PADI6: variants seen among roughly 807,000 people sequenced by gnomAD.
PADI6 encodes peptidyl arginine deiminase 6, also known as inactive protein-arginine deiminase type-6.
Under a neutral mutation model 78.2 loss-of-function variants are expected in PADI6, and 66 were observed. That is an observed-to-expected ratio of 0.84 (90% CI 0.69 to 1.04). The LOEUF (loss-of-function observed/expected upper bound fraction) is 1.04, where lower values mean the gene tolerates loss of function less well. Among genes scored for constraint, PADI6 ranks in the 50% least tolerant of loss-of-function variants. PADI6 has a pLI of 0.00. For synonymous variants in PADI6, 397 were observed against 346.9 expected (o/e 1.14, Z -1.60); for missense variants, 854 against 866.1 (o/e 0.99, Z 0.18).
Position 17,375,385 on chromosome 1 carries a change from C to T in PADI6, c.295-42C>T, listed in dbSNP as rs184356804. 1.1e-4 allele frequency: 166 copies of T among 1,562,992 alleles called. No homozygotes were observed. The African/African-American group carries it at 2.1e-3, about 19-fold the overall frequency. On this transcript the variant is annotated intron_variant, in intron 2 of 15. Transcript: ENST00000619609. The stretch of plus-strand genomic sequence containing the variant: ...CCTGGGGCTCTGTTCCTGGCACCTC[C>T]CGTCCAACACTGCCTATGGTTTCGG...
At position 17,394,453 on chromosome 1, in the gene PADI6, A is replaced by G. The variant is rs1474418124; in HGVS notation, c.1336A>G (p.Ser446Gly). Residue 446 changes from serine (S) to glycine (G), a missense_variant and splice_region_variant, in exon 11 of 16, where the codon AGC becomes GGC. Transcript: ENST00000619609. ...CCTCATTGGCAGCAGCTTTTACCCC[A>G]GGTGAGCCACAAAGCCAGACGCCTC... ...RVLIGSSFYP[S>G]AEGRAMSKTL... 6.2e-7 allele frequency: 1 copy of G among 1,612,420 alleles called. No homozygotes were observed. The highest frequency in any genetic ancestry group is 2.2e-5 in the East Asian group (1 of 44,850).
chr1:17,385,429 G>A (rs2075110431), intron 6 of PADI6, among the ~76,000 whole-genome samples: 1 of 152,176 alleles, frequency 6.6e-6, no homozygotes, highest in Admixed American at 6.6e-5. Flanking sequence ...AAAGGGAAGT[G>A]TGAGGATGGA....
intron 9 of PADI6, among the ~76,000 whole-genome samples, chr1:17,393,449 G>T (rs972253303): frequency 6.6e-6 from 1 of 152,056 alleles, no homozygotes; most frequent in African/African-American, 2.4e-5. Context: ...TGGCACCAGC[G>T]CAGAGCTGAC....
In PADI6 at chr1:17,395,053, C is replaced by T. The variant is rs769612946; in HGVS notation, c.1440C>T (p.His480=). 13 of 1,613,852 alleles carry T rather than the reference C, an allele frequency of 8.1e-6. No individual in the cohort carries two copies. The highest frequency in any genetic ancestry group is 6.6e-5 in the South Asian group (6 of 91,076). ...ACTCAGATTGGCTAATGACTGGCCACGTGGATGAGTTCATGTGCTTCATCC... is the reference window on the plus strand; with the variant it reads ...ACTCAGATTGGCTAATGACTGGCCATGTGGATGAGTTCATGTGCTTCATCC... The part of the protein sequence containing the change: ...ELYSDWLMTG[H]VDEFMCFIPT... Residue 480 remains histidine (H), a synonymous_variant, in exon 12 of 16, where the codon CAC becomes CAT. Coordinates refer to ENST00000619609, the MANE Select transcript of PADI6 (RefSeq NM_207421.4).
intron 8 of PADI6, among the ~76,000 whole-genome samples, chr1:17,391,872 G>GT (rs2075187797): frequency 6.6e-6 from 1 of 152,242 alleles, no homozygotes; most frequent in Non-Finnish European, 1.5e-5. Flanking sequence ...CAGGGAAGGG[G>GT]CCGCCACTGG....
At chr1:17,391,221 T>C (rs1396899424) in intron 8 of PADI6, among the ~76,000 whole-genome samples, 5 of 151,988 alleles carry the variant, frequency 3.3e-5, no homozygotes, top group African/African-American at 9.7e-5. Flanking sequence ...TAAGATAATT[T>C]ATTATTTTTT....
At position 17,394,987 on chromosome 1, in the gene PADI6, C is replaced by G; in HGVS notation, c.1374C>G (p.Asp458Glu). Residue 458 changes from aspartate to glutamate, a missense_variant, in exon 12 of 16, where the codon GAC becomes GAG. Transcript: ENST00000619609. ...GGGCCATGAGTAAGACCCTCCGAGA[C>G]TTCCTCTATGCCCAGCAGGTCCAAG... The part of the protein sequence containing the change: ...EGRAMSKTLR[D>E]FLYAQQVQAP... 1 of 1,613,456 alleles carries G rather than the reference C, an allele frequency of 6.2e-7. No homozygotes were observed. The highest frequency in any genetic ancestry group is 1.1e-5 in the South Asian group (1 of 91,050).
At chr1:17,386,111 G>T (rs2075116708) in intron 6 of PADI6, among the ~76,000 whole-genome samples, 1 of 152,120 alleles carries the variant, frequency 6.6e-6, no homozygotes, top group Non-Finnish European at 1.5e-5. Context: ...TGAGGACTGA[G>T]GGCAGGGAGG....
intron 11 of PADI6, 132 bp from the exon 12 acceptor site, chr1:17,394,819 A>T: frequency 9.0e-7 from 1 of 1,105,224 alleles, no homozygotes; most frequent in South Asian, 1.7e-5. Context: ...TAACCAACAC[A>T]TCCGCTATGG....
Position 17,372,243 on chromosome 1 carries a change from A to AT in PADI6, c.-3_-2insT. 1 of 1,613,650 alleles carries AT rather than the reference A, an allele frequency of 6.2e-7. No homozygotes were observed. Among genetic ancestry groups the AT allele is most frequent in the East Asian group, 2.2e-5 (1 of 44,874 alleles). ...GAGTGAGGGCTGCGGTGCAGGCCTG[A>AT]GGATGGTCAGCGTGGAGGGCCGAGC... On this transcript the variant is annotated 5_prime_UTR_variant, in exon 1 of 16. It adds an upstream start codon to the 5' untranslated region. Coordinates refer to ENST00000619609, the MANE Select transcript of PADI6 (RefSeq NM_207421.4).
In PADI6 at chr1:17,387,568, C is replaced by T. The variant is rs555787848; in HGVS notation, c.680-813C>T. Among the ~76,000 whole-genome samples, 12 of 151,960 alleles carry T rather than the reference C, an allele frequency of 7.9e-5. No homozygotes were observed. In the South Asian group the frequency reaches 1.9e-3, roughly 24 times the overall value. ...ATCAAGACCATCCTGTCTAACGAGACGGTGAAATCCCGTCTCTACTAAAAA... is the reference window on the plus strand; with the variant it reads ...ATCAAGACCATCCTGTCTAACGAGATGGTGAAATCCCGTCTCTACTAAAAA... On this transcript the variant is annotated intron_variant, in intron 6 of 15. Coordinates refer to ENST00000619609, the MANE Select transcript of PADI6 (RefSeq NM_207421.4).
chr1:17,384,172 G>A (rs553572849), intron 6 of PADI6, among the ~76,000 whole-genome samples: 1 of 152,036 alleles, frequency 6.6e-6, no homozygotes, highest in Non-Finnish European at 1.5e-5. Context: ...TCAGGGTAGG[G>A]CAACACAGCA....
chr1:17,397,225 A>T, intron 14 of PADI6, 84 bp downstream of exon 14: 3 of 1,487,712 alleles, frequency 2.0e-6, no homozygotes, highest in Non-Finnish European at 2.8e-6. Context: ...ACCCCTCCTG[A>T]GGGGTGAAGT....
rs1557612811 is a variant in PADI6, at chr1:17,401,639, A to G, written c.*201A>G. On this transcript the variant is annotated 3_prime_UTR_variant, in exon 16 of 16. Transcript: ENST00000619609. Reference sequence around the variant, plus strand: ...TGAACCCCTATGGGGAAAAGATGCAAAAGTGTTCAGCCAAGTGACGTTTAC... The same window carrying G: ...TGAACCCCTATGGGGAAAAGATGCAGAAGTGTTCAGCCAAGTGACGTTTAC... 2 of 591,254 alleles carry G rather than the reference A, an allele frequency of 3.4e-6. No homozygotes were observed. The highest frequency in any genetic ancestry group is 4.1e-5 in the South Asian group (2 of 48,976). 36.6% of individuals were successfully genotyped at this position (591,254 alleles called of 1,614,324 possible).
chr1:17,380,073 T>A, intron 4 of PADI6, 86 bp downstream of exon 4: 1 of 1,337,624 alleles, frequency 7.5e-7, no homozygotes, highest in Non-Finnish European at 1.1e-6. Context: ...CTTCCTCGTG[T>A]CTAGCCCAAT....
chr1:17,380,587 T>C (rs1258293670), intron 4 of PADI6, among the ~76,000 whole-genome samples: 2 of 152,156 alleles, frequency 1.3e-5, no homozygotes, highest in Non-Finnish European at 1.5e-5. Context: ...GCCAGGATGG[T>C]CTCGAAATCC....
intron 7 of PADI6, 43 bp downstream of exon 7, chr1:17,388,602 G>A (rs758375901): frequency 1.2e-5 from 18 of 1,536,130 alleles, no homozygotes; most frequent in Middle Eastern, 1.7e-4. Context: ...AGGATGCTCC[G>A]GTGGGGGAAA....
At chr1:17,397,672 T>C (rs1348492482) in intron 14 of PADI6, among the ~76,000 whole-genome samples, 1 of 151,978 alleles carries the variant, frequency 6.6e-6, no homozygotes, top group African/African-American at 2.4e-5. Context: ...CAGATAGCCC[T>C]ATAAAACTAC....
At position 17,394,018 on chromosome 1, in the gene PADI6, C is replaced by T. The variant is rs751853751; in HGVS notation, c.1118C>T (p.Thr373Met). The T allele has an allele frequency of 1.7e-5, 27 of 1,613,958 alleles. No individual in the cohort carries two copies. The highest frequency in any genetic ancestry group is 7.7e-5 in the South Asian group (7 of 91,076). The stretch of plus-strand genomic sequence containing the variant: ...TACACCCAGGCTCCCCACAAGACAA[C>T]GTCCTTGATCCTCGACACACCTCAG... ...FCYTQAPHKT[T>M]SLILDTPQAA... The change falls in exon 10 of 16, where the codon ACG becomes ATG. Residue 373 changes from threonine (T) to methionine (M), a missense_variant. Coordinates refer to ENST00000619609, the MANE Select transcript of PADI6 (RefSeq NM_207421.4).
Sources: allele counts gnomAD v4.1 joint callset (sites outside exome capture counted in the v4.1 genomes callset), GRCh38; gene constraint gnomAD v4.1.1; transcripts MANE v1.5; gene names NCBI Gene and HGNC (gene_info 2026-07-23, HGNC 2026-07-21).